The following THAP4 variants were observed in gnomAD, a reference collection of about 807,000 sequenced individuals.
THAP4 encodes THAP domain containing 4, also known as peroxynitrite isomerase THAP4.
THAP4 carries 18 observed loss-of-function variants against 48.1 expected under a neutral mutation model. The observed-to-expected ratio is 0.37, with a 90% CI of 0.26 to 0.56. The LOEUF is 0.56. Ranked by LOEUF, THAP4 falls within the 20% of genes least tolerant of loss-of-function variation. The pLI, the probability that THAP4 is intolerant of heterozygous loss-of-function variation, is 0.78. For missense variants in THAP4, 656 were observed against 774.9 expected (o/e 0.85, Z 1.82); for synonymous variants, 345 against 324.9 (o/e 1.06, Z -0.66).
rs578014359 is a variant in THAP4, at chr2:241,606,233, T to A, written c.1400+81A>T. 1.3e-5 allele frequency: 17 copies of A among 1,344,854 alleles called. No homozygotes were observed. The African/African-American group carries it at 2.2e-4, about 17-fold the overall frequency. The allele number at this position is 1,344,854 out of a possible 1,614,324, so 83.3% of individuals were successfully genotyped here. A position where few individuals can be genotyped will look rare whatever the true frequency, so the allele number is the denominator to read the frequency against. ...TTTACACCTTCCTGCTTGGCCTTTG[T>A]CTTTGATCAGTCTGGAATTATTTTC... On this transcript the variant is annotated intron_variant, in intron 3 of 5. Coordinates refer to ENST00000407315, the MANE Select transcript of THAP4 (RefSeq NM_015963.6).
At chr2:241,609,782 CAA>C (rs34765458) in intron 2 of THAP4, among the ~76,000 whole-genome samples, 6 of 143,266 alleles carry the variant, frequency 4.2e-5, no homozygotes, top group Non-Finnish European at 4.6e-5. Flanking sequence ...GACGTTTTCT[CAA>C]AAAAAAAAAA....
At chr2:241,623,351 A>T (rs187672276) in intron 2 of THAP4, among the ~76,000 whole-genome samples, 2 of 152,264 alleles carry the variant, frequency 1.3e-5, no homozygotes, top group East Asian at 3.9e-4. Flanking sequence ...AGGCTGAGCC[A>T]GGCAGATAGC....
chr2:241,602,881 GTT>G, intron 4 of THAP4, 87 bp downstream of exon 4: 1 of 1,005,580 alleles, frequency 9.9e-7, no homozygotes, highest in Non-Finnish European at 1.6e-6. Context: ...CCTCAGCAGG[GTT>G]GCACATGGGC....
chr2:241,593,625 G>A (rs569254874), intron 5 of THAP4, among the ~76,000 whole-genome samples: 9 of 152,332 alleles, frequency 5.9e-5, no homozygotes, highest in East Asian at 1.9e-4. Context: ...ACCAGTGGCC[G>A]TGGATGAAGG....
chr2:241,621,324 G>A (rs2067426919), intron 2 of THAP4, among the ~76,000 whole-genome samples: 1 of 152,000 alleles, frequency 6.6e-6, no homozygotes, highest in South Asian at 2.1e-4. Flanking sequence ...CTCCAGCCTG[G>A]GCAACAGAGC....
chr2:241,597,978 CAAA>C (rs66522275), intron 5 of THAP4, among the ~76,000 whole-genome samples: 20 of 129,186 alleles, frequency 1.5e-4, no homozygotes, highest in African/African-American at 1.9e-4. Context: ...AACATGCAAA[CAAA>C]AAAAAAAAAA....
chr2:241,636,609 G>C (rs942906296), intron 1 of THAP4, among the ~76,000 whole-genome samples: 1 of 152,118 alleles, frequency 6.6e-6, no homozygotes, highest in African/African-American at 2.4e-5. Flanking sequence ...CGGCCCGCGC[G>C]GTCCGGAGAG....
chr2:241,603,493 C>T (rs529199369), intron 3 of THAP4, among the ~76,000 whole-genome samples: 6 of 148,408 alleles, frequency 4.0e-5, no homozygotes, highest in Admixed American at 2.7e-4. Context: ...CAGCCACACC[C>T]GCACACCTGC....
chr2:241,600,149 T>C (rs764509725), intron 5 of THAP4, among the ~76,000 whole-genome samples: 1 of 152,040 alleles, frequency 6.6e-6, no homozygotes, highest in African/African-American at 2.4e-5. Flanking sequence ...TGAGCTGAGA[T>C]TGTGCCACTG....
intron 2 of THAP4, among the ~76,000 whole-genome samples, chr2:241,628,760 A>G (rs2067523603): frequency 6.6e-6 from 1 of 151,268 alleles, no homozygotes; most frequent in Non-Finnish European, 1.5e-5. Context: ...AAAAACAAAA[A>G]AAACAAAAAA....
chr2:241,630,017 T>C (rs1575039447), intron 2 of THAP4, among the ~76,000 whole-genome samples: 1 of 152,306 alleles, frequency 6.6e-6, no homozygotes, highest in Non-Finnish European at 1.5e-5. Flanking sequence ...GGGACTGTGT[T>C]AGCCACAGTG....
intron 2 of THAP4, among the ~76,000 whole-genome samples, chr2:241,625,496 A>G (rs2067485188): frequency 4.0e-5 from 6 of 150,660 alleles, no homozygotes; most frequent in African/African-American, 1.5e-4. Context: ...AAAAAAAAAA[A>G]AAAGGAAAAA....
intron 3 of THAP4, 105 bp from the exon 4 acceptor site, chr2:241,603,184 A>G (rs936942407): frequency 1.2e-6 from 1 of 836,694 alleles, no homozygotes; most frequent in Non-Finnish European, 2.0e-6. Flanking sequence ...TGGCTGCTCC[A>G]GCCACACCCG....
intron 2 of THAP4, among the ~76,000 whole-genome samples, chr2:241,609,962 CA>C (rs1048268911): frequency 2.0e-5 from 3 of 152,190 alleles, no homozygotes; most frequent in Admixed American, 2.0e-4. Context: ...TGGGAAGCGG[CA>C]CCCCGGGCGC....
intron 5 of THAP4, chr2:241,591,982 A>C (rs1427609539): frequency 1.3e-5 from 2 of 152,264 alleles, no homozygotes; most frequent in African/African-American, 4.8e-5. Context: ...ACAGAGCTTT[A>C]TTCAAATCAT....
intron 2 of THAP4, among the ~76,000 whole-genome samples, chr2:241,625,586 G>C (rs1372764198): frequency 6.6e-6 from 1 of 151,330 alleles, no homozygotes; most frequent in East Asian, 1.9e-4. Flanking sequence ...CACGAGGTCA[G>C]GAGATCGAGA....
intron 2 of THAP4, among the ~76,000 whole-genome samples, chr2:241,613,068 A>G (rs1407805655): frequency 6.6e-6 from 1 of 152,218 alleles, no homozygotes; most frequent in Non-Finnish European, 1.5e-5. Context: ...TTTTTAATGT[A>G]GCTATTAGAA....
At chr2:241,589,477 C>T (rs1015760287) in intron 5 of THAP4, among the ~76,000 whole-genome samples, 2 of 152,062 alleles carry the variant, frequency 1.3e-5, no homozygotes, top group East Asian at 3.9e-4. Context: ...CAAATAAGTA[C>T]AACAAAAAGA....
chr2:241,621,876 A>G (rs1036724647), intron 2 of THAP4, among the ~76,000 whole-genome samples: 15 of 152,168 alleles, frequency 9.9e-5, no homozygotes, highest in African/African-American at 3.4e-4. Context: ...CAAAAGGAAA[A>G]AAAATCCTTA....
Sources: allele counts gnomAD v4.1 joint callset (sites outside exome capture counted in the v4.1 genomes callset), GRCh38; gene constraint gnomAD v4.1.1; transcripts MANE v1.5; gene names NCBI Gene and HGNC (gene_info 2026-07-23, HGNC 2026-07-21).